Variants in AGBL3 observed in about 807,000 individuals in gnomAD.
AGBL3 encodes cytosolic carboxypeptidase 3.
A neutral mutation model predicts 94.5 loss-of-function variants in AGBL3; 68 were observed. The observed-to-expected ratio is 0.72, with a 90% CI of 0.59 to 0.88. The LOEUF is 0.88. AGBL3 is among the 40% of genes least tolerant of loss of function. The probability of loss-of-function intolerance (pLI) is 0.00; values close to 1 mark genes in which losing one functional copy is unlikely to be tolerated. For synonymous variants in AGBL3, 354 were observed against 370.7 expected (o/e 0.95, Z 0.52); for missense variants, 934 against 1,103.8 (o/e 0.85, Z 2.18).
intron 9 of AGBL3, among the ~76,000 whole-genome samples, chr7:135,044,631 TA>T (rs1817177926): frequency 6.6e-6 from 1 of 152,166 alleles, no homozygotes; most frequent in Non-Finnish European, 1.5e-5. Context: ...CATATTAAAA[TA>T]ATTGTCACAT....
intron 15 of AGBL3, among the ~76,000 whole-genome samples, chr7:135,109,485 C>T (rs1308952022): frequency 2.0e-5 from 3 of 152,152 alleles, no homozygotes; most frequent in Admixed American, 6.5e-5. Flanking sequence ...ACAGTCTGCC[C>T]GCTTTCTGTA....
intron 16 of AGBL3, chr7:135,128,604 TG>T: frequency 1.3e-6 from 1 of 778,648 alleles, no homozygotes; most frequent in East Asian, 2.4e-5. Flanking sequence ...ATCTGCTCTA[TG>T]GGAAGAACAC....
intron 4 of AGBL3, among the ~76,000 whole-genome samples, chr7:135,003,294 C>T (rs1239259793): frequency 2.0e-5 from 3 of 152,014 alleles, no homozygotes; most frequent in Non-Finnish European, 4.4e-5. Flanking sequence ...ATATACTAAG[C>T]TTTTAGGTCC....
At chr7:135,050,416 G>C (rs867184333) in intron 11 of AGBL3, among the ~76,000 whole-genome samples, 36 of 151,820 alleles carry the variant, frequency 2.4e-4, no homozygotes, top group African/African-American at 8.2e-4. Flanking sequence ...CTATAATGTT[G>C]TTCAAGCCCT....
At chr7:135,002,606 C>T (rs1292547586) in intron 4 of AGBL3, among the ~76,000 whole-genome samples, 1 of 152,124 alleles carries the variant, frequency 6.6e-6, no homozygotes, top group Non-Finnish European at 1.5e-5. Context: ...AAACTCTGAA[C>T]AGGCAGAATA....
intron 12 of AGBL3, among the ~76,000 whole-genome samples, chr7:135,062,716 C>A (rs921352430): frequency 1.3e-5 from 2 of 152,086 alleles, no homozygotes; most frequent in Non-Finnish European, 2.9e-5. Flanking sequence ...ATGAATCTCA[C>A]TTGATCATGA....
intron 12 of AGBL3, among the ~76,000 whole-genome samples, chr7:135,062,042 A>C (rs1451796574): frequency 6.6e-6 from 1 of 151,978 alleles, no homozygotes; most frequent in Non-Finnish European, 1.5e-5. Context: ...TCTTCATAGA[A>C]GACATTCCAT....
At chr7:135,047,548 G>A (rs1817484710) in intron 11 of AGBL3, among the ~76,000 whole-genome samples, 1 of 151,854 alleles carries the variant, frequency 6.6e-6, no homozygotes, top group Non-Finnish European at 1.5e-5. Context: ...TTGTCTTTTG[G>A]TTTTTTGATG....
intron 12 of AGBL3, 38 bp downstream of exon 12, chr7:135,059,273 G>T: frequency 1.4e-6 from 2 of 1,457,692 alleles, no homozygotes; most frequent in Non-Finnish European, 1.9e-6. Flanking sequence ...TGGATATGCT[G>T]TGTAGGTACT....
In AGBL3 at chr7:135,045,891, T is replaced by C. The variant is rs530598926; in HGVS notation, c.1821T>C (p.Ile607=). 8.2e-4 allele frequency: 1,276 copies of C among 1,548,174 alleles called. 4 individuals are homozygous for C. The highest frequency in any genetic ancestry group is 9.6e-4 in the Non-Finnish European group (1,102 of 1,144,220). Residue 607 remains isoleucine, a synonymous_variant, in exon 11 of 17, where the codon ATT becomes ATC. Transcript: ENST00000436302. ...FEDSDTPVID[I]TLDVESSSRG... ...ATTCAGACACACCTGTGATAGACAT[T>C]ACATTGGATGTAGAGTCTAGGTAAC...
rs1268125833 is a variant in AGBL3 at position 134,992,807 on chromosome 7, G to A, written c.125-686G>A. Among the ~76,000 whole-genome samples, 2 of 152,110 alleles carry A rather than the reference G, an allele frequency of 1.3e-5. 1 individual carries two copies. The highest frequency in any genetic ancestry group is 4.1e-4 in the South Asian group (2 of 4,832). ...CAAAAATAACCAAGAACTAAATCTC[G>A]GCAAAAAGCCACATTTCAGAGGTGA... is the stretch of plus-strand genomic sequence containing the variant. On this transcript the variant is annotated intron_variant, in intron 3 of 16. Transcript: ENST00000436302.
intron 15 of AGBL3, among the ~76,000 whole-genome samples, chr7:135,094,999 T>C (rs1822446466): frequency 6.6e-6 from 1 of 152,180 alleles, no homozygotes; most frequent in African/African-American, 2.4e-5. Flanking sequence ...AGTTCCCTTG[T>C]TGGTCTCACA....
chr7:135,125,400 A>G (rs892559508), intron 16 of AGBL3, among the ~76,000 whole-genome samples: 3 of 152,322 alleles, frequency 2.0e-5, no homozygotes, highest in East Asian at 1.9e-4. Context: ...GCAATAATTA[A>G]TAGCCTACCA....
chr7:135,004,317 T>G (rs1356914015), intron 4 of AGBL3, among the ~76,000 whole-genome samples: 1 of 151,718 alleles, frequency 6.6e-6, no homozygotes, highest in Non-Finnish European at 1.5e-5. Context: ...TTTAGTGGGT[T>G]GCTGAATCCT....
chr7:135,055,941 G>C (rs7787016), intron 11 of AGBL3, among the ~76,000 whole-genome samples: 73,714 of 151,812 alleles, frequency 0.49, 18,251 homozygotes, highest in South Asian at 0.66. Context: ...TTGATATATA[G>C]ATCTATATAT....
intron 4 of AGBL3, among the ~76,000 whole-genome samples, chr7:135,007,474 ATCCT>A (rs1304567414): frequency 6.6e-6 from 1 of 151,972 alleles, no homozygotes; most frequent in African/African-American, 2.4e-5. Flanking sequence ...TTTTTAAGAA[ATCCT>A]ACACCCTTTC....
intron 15 of AGBL3, chr7:135,101,213 C>T: frequency 2.2e-6 from 1 of 456,182 alleles, no homozygotes; most frequent in Non-Finnish European, 4.4e-6. Context: ...AAGTGACATC[C>T]CTGCAGTCTC....
chr7:135,059,280 T>C, intron 12 of AGBL3, 45 bp downstream of exon 12: 1 of 1,419,656 alleles, frequency 7.0e-7, no homozygotes, highest in East Asian at 2.5e-5. Flanking sequence ...GCTGTGTAGG[T>C]ACTGTTCTTA....
intron 4 of AGBL3, among the ~76,000 whole-genome samples, chr7:135,014,887 T>C (rs935337639): frequency 6.6e-6 from 1 of 152,222 alleles, no homozygotes; most frequent in African/African-American, 2.4e-5. Flanking sequence ...TGCAGTGTTT[T>C]TTCACAGCTC....
Sources: allele counts gnomAD v4.1 joint callset (sites outside exome capture counted in the v4.1 genomes callset), GRCh38; gene constraint gnomAD v4.1.1; transcripts MANE v1.5; gene names NCBI Gene and HGNC (gene_info 2026-07-23, HGNC 2026-07-21).